Variants in RABGAP1L observed in about 807,000 individuals in gnomAD.
RABGAP1L encodes rab GTPase-activating protein 1-like.
In RABGAP1L, 63 loss-of-function variants were observed where a neutral mutation model predicts 137.7. The observed-to-expected ratio is 0.46, with a 90% CI of 0.37 to 0.56. The LOEUF (loss-of-function observed/expected upper bound fraction) is 0.56, where lower values mean the gene tolerates loss of function less well. Among genes scored for constraint, RABGAP1L ranks in the 20% least tolerant of loss-of-function variants. The probability of loss-of-function intolerance (pLI) is 0.00; values close to 1 mark genes in which losing one functional copy is unlikely to be tolerated. For synonymous variants in RABGAP1L, 431 were observed against 433.7 expected, an observed-to-expected ratio of 0.99 and a Z score of 0.08; for missense variants, 1,095 against 1,244.0, an observed-to-expected ratio of 0.88 and a Z score of 1.80.
chr1:174,582,693 G>C (rs1668833472), intron 13 of RABGAP1L, among the ~76,000 whole-genome samples: 1 of 152,154 alleles, frequency 6.6e-6, no homozygotes, highest in Non-Finnish European at 1.5e-5. Context: ...ACCTTAATGA[G>C]CAGTTTCAGT....
chr1:174,599,114 C>T (rs926742168), intron 13 of RABGAP1L, among the ~76,000 whole-genome samples: 28 of 151,576 alleles, frequency 1.8e-4, no homozygotes, highest in Admixed American at 4.6e-4. Flanking sequence ...GTAGGTATTT[C>T]AGGGTTACCA....
chr1:174,410,437 C>A (rs1379577504), intron 13 of RABGAP1L, among the ~76,000 whole-genome samples: 1 of 152,136 alleles, frequency 6.6e-6, no homozygotes, highest in Non-Finnish European at 1.5e-5. Flanking sequence ...ATATGGCTAG[C>A]CAACTATCCC....
chr1:174,620,193 T>A (rs1452156291), intron 13 of RABGAP1L, among the ~76,000 whole-genome samples: 1 of 152,194 alleles, frequency 6.6e-6, no homozygotes, highest in African/African-American at 2.4e-5. Flanking sequence ...TGGGAGACTT[T>A]AACACCCCAC....
intron 13 of RABGAP1L, among the ~76,000 whole-genome samples, chr1:174,479,281 T>A (rs550691358): frequency 6.6e-6 from 1 of 152,348 alleles, no homozygotes; most frequent in Non-Finnish European, 1.5e-5. Flanking sequence ...TGCTTCCTAA[T>A]GCATTTGCCC....
At chr1:174,942,171 G>A (rs1044218667) in intron 19 of RABGAP1L, among the ~76,000 whole-genome samples, 2 of 152,172 alleles carry the variant, frequency 1.3e-5, no homozygotes, top group African/African-American at 4.8e-5. Context: ...TTAGTGCAAA[G>A]ACACACTGGG....
intron 13 of RABGAP1L, among the ~76,000 whole-genome samples, chr1:174,566,150 ATTG>A (rs1400201870): frequency 6.6e-6 from 1 of 151,992 alleles, no homozygotes; most frequent in Non-Finnish European, 1.5e-5. Context: ...TGGTAATTTC[ATTG>A]TTGTTAGCTA....
At chr1:174,237,027 C>T (rs1571702784) in intron 4 of RABGAP1L, among the ~76,000 whole-genome samples, 1 of 132,888 alleles carries the variant, frequency 7.5e-6, no homozygotes, top group Non-Finnish European at 1.6e-5. Context: ...TATGTAATGG[C>T]CTTCTTTGTC....
In RABGAP1L at chr1:174,953,397, G is replaced by T. The variant is rs532081370; in HGVS notation, c.2341-4060G>T. On this transcript the variant is annotated intron_variant, in intron 19 of 25. Transcript: ENST00000681986. ...AGTAAGGCAAATGAGTAATTATTGT[G>T]CTCTGTCTTTTACTGTTATTGAAGG... Among the ~76,000 whole-genome samples the T allele has an allele frequency of 4.2e-4, 64 of 152,152 alleles. 1 individual carries two copies. Among genetic ancestry groups the T allele is most frequent in the Non-Finnish European group, 7.9e-4 (54 of 68,024 alleles).
chr1:174,575,787 A>C (rs950070437), intron 13 of RABGAP1L, among the ~76,000 whole-genome samples: 5 of 152,264 alleles, frequency 3.3e-5, no homozygotes, highest in African/African-American at 9.6e-5. Context: ...GCAGGTCGAT[A>C]AATAATAGAC....
intron 13 of RABGAP1L, among the ~76,000 whole-genome samples, chr1:174,636,361 T>TAC (rs1296769891): frequency 2.0e-5 from 3 of 151,944 alleles, no homozygotes; most frequent in Admixed American, 6.6e-5. Context: ...CTACTAAAAA[T>TAC]ACACACACAC....
intron 18 of RABGAP1L, among the ~76,000 whole-genome samples, chr1:174,765,822 T>C (rs1685624495): frequency 6.6e-6 from 1 of 152,208 alleles, no homozygotes; most frequent in Non-Finnish European, 1.5e-5. Context: ...CGAAAATTTC[T>C]TCTTCTAAGG....
chr1:174,925,874 T>C (rs1662713328), intron 19 of RABGAP1L, among the ~76,000 whole-genome samples: 3 of 127,230 alleles, frequency 2.4e-5, no homozygotes, highest in Non-Finnish European at 4.7e-5. Flanking sequence ...TTTTTTGTTT[T>C]TGTTTTTTTT....
chr1:174,472,882 C>G (rs1022000312), intron 13 of RABGAP1L, among the ~76,000 whole-genome samples: 1 of 152,138 alleles, frequency 6.6e-6, no homozygotes, highest in Admixed American at 6.5e-5. Context: ...AGCAAAGGGC[C>G]AGCCTTTCAA....
intron 19 of RABGAP1L, among the ~76,000 whole-genome samples, chr1:174,914,755 T>G (rs1183234593): frequency 1.3e-5 from 2 of 152,174 alleles, no homozygotes; most frequent in African/African-American, 4.8e-5. Flanking sequence ...TATGCATCCA[T>G]CATCACATCC....
At chr1:174,545,868 G>A (rs1306050119) in intron 13 of RABGAP1L, 1 of 152,146 alleles carries the variant, frequency 6.6e-6, no homozygotes, top group African/African-American at 2.4e-5. Context: ...ATTGCTTTGT[G>A]CATGGTATTA....
chr1:174,590,484 A>C (rs1410137979), intron 13 of RABGAP1L, among the ~76,000 whole-genome samples: 2 of 93,604 alleles, frequency 2.1e-5, no homozygotes, highest in Non-Finnish European at 3.9e-5. Flanking sequence ...ATATCTCCCA[A>C]TGCTATCCCT....
intron 17 of RABGAP1L, among the ~76,000 whole-genome samples, chr1:174,728,987 C>T (rs1682236322): frequency 6.6e-6 from 1 of 152,014 alleles, no homozygotes; most frequent in Non-Finnish European, 1.5e-5. Context: ...TCAAAAAATT[C>T]GTATGGACCC....
chr1:174,282,054 A>G (rs12066700), intron 10 of RABGAP1L, among the ~76,000 whole-genome samples: 34,274 of 152,164 alleles, frequency 0.23, 4,108 homozygotes, highest in Admixed American at 0.25. Flanking sequence ...CTGTACCATA[A>G]TTTATTAGAT....
chr1:174,476,313 G>T (rs1658500557), intron 13 of RABGAP1L, among the ~76,000 whole-genome samples: 1 of 151,980 alleles, frequency 6.6e-6, no homozygotes. Context: ...AAGTTTTGGA[G>T]CAATTTACTG....
Sources: gnomAD v4.1 joint callset for allele counts (sites outside exome capture counted in the v4.1 genomes callset) on GRCh38, gnomAD v4.1.1 for gene constraint, MANE v1.5 for transcripts, NCBI Gene and HGNC (gene_info 2026-07-23, HGNC 2026-07-21) for gene names.